KCNIP4: variants seen among roughly 807,000 people sequenced by gnomAD.
KCNIP4 encodes potassium voltage-gated channel interacting protein 4.
In KCNIP4, 12 loss-of-function variants were observed where a neutral mutation model predicts 34.0. The observed-to-expected ratio is 0.35, with a 90% CI of 0.23 to 0.57. The LOEUF is 0.57. Ranked by LOEUF, KCNIP4 falls within the 20% of genes least tolerant of loss-of-function variation. KCNIP4 has a pLI of 0.83. For missense variants in KCNIP4, 238 were observed against 311.7 expected (o/e 0.76, Z 1.78); for synonymous variants, 124 against 102.2 (o/e 1.21, Z -1.29).
At chr4:21,900,637 C>A (rs1727653262) in intron 1 of KCNIP4, among the ~76,000 whole-genome samples, 1 of 152,176 alleles carries the variant, frequency 6.6e-6, no homozygotes, top group Non-Finnish European at 1.5e-5. Flanking sequence ...TACAACTATA[C>A]TTTGAATATA....
intron 1 of KCNIP4, among the ~76,000 whole-genome samples, chr4:21,091,100 C>T (rs1430999557): frequency 6.6e-6 from 1 of 152,120 alleles, no homozygotes; most frequent in Non-Finnish European, 1.5e-5. Context: ...TCAGGGAAGT[C>T]ACTATTTCTC....
intron 1 of KCNIP4, among the ~76,000 whole-genome samples, chr4:21,467,075 C>CAAA (rs1730027521): frequency 2.7e-5 from 1 of 37,084 alleles, no homozygotes; most frequent in Non-Finnish European, 5.1e-5. Context: ...CCAAAACAAA[C>CAAA]ACACACACAC....
chr4:21,406,051 T>C (rs770132438), intron 1 of KCNIP4, among the ~76,000 whole-genome samples: 5 of 152,124 alleles, frequency 3.3e-5, no homozygotes, highest in Non-Finnish European at 7.4e-5. Context: ...GTCAGGGTGG[T>C]CTCGAACTCC....
chr4:21,785,819 C>T (rs1021323064), intron 1 of KCNIP4, among the ~76,000 whole-genome samples: 5 of 152,214 alleles, frequency 3.3e-5, no homozygotes, highest in East Asian at 1.9e-4. Flanking sequence ...TTTCATTGTA[C>T]GGATATGTCA....
chr4:21,875,260 C>T (rs1035745460), intron 1 of KCNIP4, among the ~76,000 whole-genome samples: 1 of 152,174 alleles, frequency 6.6e-6, no homozygotes, highest in Admixed American at 6.5e-5. Context: ...TCATAATGGA[C>T]ACCATGACTA....
At chr4:21,723,908 T>C (rs1260434180) in intron 1 of KCNIP4, among the ~76,000 whole-genome samples, 1 of 152,108 alleles carries the variant, frequency 6.6e-6, no homozygotes, top group Non-Finnish European at 1.5e-5. Context: ...ATGATCATTT[T>C]ATAATCTTTA....
chr4:21,423,409 T>C (rs1725659784), intron 1 of KCNIP4, among the ~76,000 whole-genome samples: 1 of 152,230 alleles, frequency 6.6e-6, no homozygotes, highest in Non-Finnish European at 1.5e-5. Flanking sequence ...TCCATTTTGC[T>C]CTACTTACAG....
chr4:21,286,272 C>T (rs1044244591), intron 1 of KCNIP4, among the ~76,000 whole-genome samples: 5 of 152,148 alleles, frequency 3.3e-5, no homozygotes, highest in Non-Finnish European at 4.4e-5. Flanking sequence ...GAGTAAAATG[C>T]TAGTCTGGAT....
intron 1 of KCNIP4, among the ~76,000 whole-genome samples, chr4:21,831,781 A>G (rs540013623): frequency 6.6e-6 from 1 of 152,018 alleles, no homozygotes; most frequent in African/African-American, 2.4e-5. Context: ...TGAATTGGAG[A>G]GAACACTTCC....
At chr4:20,773,930 G>A (rs762693721) in intron 3 of KCNIP4, among the ~76,000 whole-genome samples, 1 of 152,034 alleles carries the variant, frequency 6.6e-6, no homozygotes, top group South Asian at 2.1e-4. Context: ...GCAAGACAAC[G>A]CCACTAAAGT....
At chr4:21,482,638 C>G (rs1731534239) in intron 1 of KCNIP4, among the ~76,000 whole-genome samples, 2 of 152,102 alleles carry the variant, frequency 1.3e-5, no homozygotes, top group East Asian at 3.9e-4. Context: ...TGAATATTGG[C>G]CCCCACTCTC....
In KCNIP4 at chr4:20,754,045, G is replaced by C. The variant is rs756935061; in HGVS notation, c.359-4313C>G. Among the ~76,000 whole-genome samples, 60 of 152,242 alleles carry C rather than the reference G, an allele frequency of 3.9e-4. 1 individual carries two copies. The Middle Eastern group carries it at 0.01, about 26-fold the overall frequency. Reference sequence around the variant, plus strand: ...TTTTTATGGGCTTTAAAAATGTTTAGTGAACTAAAAGCTTACACACTAAAG... The same window carrying C: ...TTTTTATGGGCTTTAAAAATGTTTACTGAACTAAAAGCTTACACACTAAAG... On this transcript the variant is annotated intron_variant, in intron 4 of 8. Coordinates refer to ENST00000382152, the MANE Select transcript of KCNIP4 (RefSeq NM_025221.6).
intron 1 of KCNIP4, among the ~76,000 whole-genome samples, chr4:21,502,802 G>A (rs1293825038): frequency 6.6e-6 from 1 of 152,092 alleles, no homozygotes; most frequent in Non-Finnish European, 1.5e-5. Flanking sequence ...CAGAGTGCGG[G>A]CTCACTATAA....
chr4:21,036,950 G>A (rs903851576), intron 1 of KCNIP4, among the ~76,000 whole-genome samples: 2 of 152,134 alleles, frequency 1.3e-5, no homozygotes, highest in African/African-American at 4.8e-5. Flanking sequence ...GATGATCTTG[G>A]CCCTGGGGTA....
At chr4:21,120,310 T>C (rs1750043645) in intron 1 of KCNIP4, among the ~76,000 whole-genome samples, 1 of 152,194 alleles carries the variant, frequency 6.6e-6, no homozygotes, top group Admixed American at 6.5e-5. Context: ...TTTTCTCAGT[T>C]CTGGAAGCTG....
chr4:21,332,745 A>T (rs549068359), intron 1 of KCNIP4, among the ~76,000 whole-genome samples: 15 of 152,062 alleles, frequency 9.9e-5, no homozygotes, highest in Non-Finnish European at 2.2e-4. Flanking sequence ...GTACTGAAAC[A>T]ACTTCATATC....
chr4:21,581,827 T>C (rs1030475361), intron 1 of KCNIP4, among the ~76,000 whole-genome samples: 1 of 151,924 alleles, frequency 6.6e-6, no homozygotes, highest in African/African-American at 2.4e-5. Context: ...TCTTAATTAT[T>C]AACCTCTTAC....
chr4:21,329,332 A>C (rs1039667274), intron 1 of KCNIP4, among the ~76,000 whole-genome samples: 2 of 152,238 alleles, frequency 1.3e-5, no homozygotes, highest in African/African-American at 2.4e-5. Flanking sequence ...TTATGACTGT[A>C]CTGGCAGGCA....
chr4:21,545,708 A>G (rs868855291), intron 1 of KCNIP4, among the ~76,000 whole-genome samples: 1 of 152,184 alleles, frequency 6.6e-6, no homozygotes, highest in South Asian at 2.1e-4. Context: ...TGCAAAGGAC[A>G]TGAACTCATC....
Sources: gnomAD v4.1 joint callset for allele counts (sites outside exome capture counted in the v4.1 genomes callset) on GRCh38, gnomAD v4.1.1 for gene constraint, MANE v1.5 for transcripts, NCBI Gene and HGNC (gene_info 2026-07-23, HGNC 2026-07-21) for gene names.